ERBB4: variants seen among roughly 807,000 people sequenced by gnomAD.
ERBB4 encodes the protein receptor tyrosine-protein kinase erbB-4.
A neutral mutation model predicts 158.0 loss-of-function variants in ERBB4; 42 were observed. The ratio of observed to expected loss-of-function variants is 0.27; its 90% CI spans 0.21 to 0.34. The LOEUF (loss-of-function observed/expected upper bound fraction) is 0.34. ERBB4 is among the 10% of genes least tolerant of loss of function. The pLI is 1.00. For missense variants in ERBB4, 1,333 were observed against 1,624.1 expected, an observed-to-expected ratio of 0.82 and a Z score of 3.08; for synonymous variants, 583 against 558.7, an observed-to-expected ratio of 1.04 and a Z score of -0.61.
rs548683674 is a variant in ERBB4 at position 211,517,125 on chromosome 2, G to A, written c.2487+44778C>T. 1.5e-3 allele frequency among the ~76,000 whole-genome samples: 231 copies of A among 152,068 alleles called. 1 individual carries two copies. The highest frequency in any genetic ancestry group is 2.5e-3 in the Non-Finnish European group (169 of 67,988). On this transcript the variant is annotated intron_variant, in intron 20 of 27. Transcript: ENST00000342788. ...TGATATTTTCCAAAACTTATTGCAGGGATAGCACATTAGAATAAAAAGCTT... is the reference window on the plus strand; with the variant it reads ...TGATATTTTCCAAAACTTATTGCAGAGATAGCACATTAGAATAAAAAGCTT...
chr2:211,704,219 A>C, intron 10 of ERBB4, 25 bp from the exon 11 acceptor site: 1 of 1,371,096 alleles, frequency 7.3e-7, no homozygotes, highest in Non-Finnish European at 1.0e-6. Flanking sequence ...TAGAAAAAAT[A>C]AATCAGAATA....
Position 212,104,993 on chromosome 2 carries a change from A to G in ERBB4, c.234+19759T>C, listed in dbSNP as rs553093820. 4.6e-5 allele frequency among the ~76,000 whole-genome samples: 7 copies of G among 151,834 alleles called. No individual in the cohort carries two copies. The South Asian group carries it at 1.5e-3, about 32-fold the overall frequency. On this transcript the variant is annotated intron_variant, in intron 2 of 27. Transcript: ENST00000342788. ...CAAGGTCAAATAAGTAGAATTCATCAGACATCAACGTCCTTTCTCTTTCAA... is the reference window on the plus strand; with the variant it reads ...CAAGGTCAAATAAGTAGAATTCATCGGACATCAACGTCCTTTCTCTTTCAA...
chr2:212,031,644 T>A (rs1482691658), intron 2 of ERBB4, among the ~76,000 whole-genome samples: 1 of 152,142 alleles, frequency 6.6e-6, no homozygotes, highest in East Asian at 1.9e-4. Flanking sequence ...TTTCATTTTA[T>A]ACCTGTTTTT....
At chr2:211,813,427 A>T (rs2076804633) in intron 3 of ERBB4, among the ~76,000 whole-genome samples, 1 of 152,230 alleles carries the variant, frequency 6.6e-6, no homozygotes, top group Non-Finnish European at 1.5e-5. Context: ...CAGCAGGGAC[A>T]CATTTTATTC....
At chr2:212,075,988 G>T (rs2078262867) in intron 2 of ERBB4, among the ~76,000 whole-genome samples, 1 of 151,718 alleles carries the variant, frequency 6.6e-6, no homozygotes, top group Admixed American at 6.6e-5. Context: ...TTTAACTAGA[G>T]AATTTTAATT....
chr2:211,667,998 C>A (rs1324306899), intron 14 of ERBB4, among the ~76,000 whole-genome samples: 1 of 152,026 alleles, frequency 6.6e-6, no homozygotes, highest in Non-Finnish European at 1.5e-5. Context: ...ACATAGTGTA[C>A]CTACACAAAC....
At chr2:212,345,416 C>T (rs2106328970) in intron 1 of ERBB4, among the ~76,000 whole-genome samples, 1 of 152,170 alleles carries the variant, frequency 6.6e-6, no homozygotes, top group South Asian at 2.1e-4. Context: ...AGACATTTAG[C>T]AATGTCTGGA....
intron 20 of ERBB4, among the ~76,000 whole-genome samples, chr2:211,547,142 A>G (rs754443295): frequency 3.9e-5 from 6 of 152,164 alleles, no homozygotes; most frequent in Non-Finnish European, 8.8e-5. Flanking sequence ...TACTGCACTT[A>G]TAGTTATACA....
At chr2:211,567,740 CTT>C (rs1480791359) in intron 19 of ERBB4, among the ~76,000 whole-genome samples, 1 of 149,694 alleles carries the variant, frequency 6.7e-6, no homozygotes, top group Non-Finnish European at 1.5e-5. Flanking sequence ...TAATAGTTCT[CTT>C]TTTCTGAAGA....
chr2:211,562,421 A>G (rs2067422003), intron 19 of ERBB4, among the ~76,000 whole-genome samples: 2 of 152,280 alleles, frequency 1.3e-5, no homozygotes, highest in East Asian at 1.9e-4. Context: ...TCCAGCTTAT[A>G]TTATGGATTT....
At chr2:212,333,618 C>A (rs1432355581) in intron 1 of ERBB4, among the ~76,000 whole-genome samples, 1 of 151,282 alleles carries the variant, frequency 6.6e-6, no homozygotes, top group Non-Finnish European at 1.5e-5. Flanking sequence ...TGCTTGAGCC[C>A]AGGATATTGA....
intron 2 of ERBB4, among the ~76,000 whole-genome samples, chr2:211,984,460 C>A (rs576266692): frequency 6.6e-6 from 1 of 152,142 alleles, no homozygotes; most frequent in South Asian, 2.1e-4. Flanking sequence ...AAAGGTACAG[C>A]AAAAGTTTGG....
chr2:212,068,086 C>T (rs190102945), intron 2 of ERBB4, among the ~76,000 whole-genome samples: 52 of 152,114 alleles, frequency 3.4e-4, no homozygotes, highest in Non-Finnish European at 8.8e-5. Context: ...GAGGAATAAA[C>T]TCCAAACTCT....
At chr2:211,976,620 G>T (rs1271462643) in intron 2 of ERBB4, among the ~76,000 whole-genome samples, 4 of 151,914 alleles carry the variant, frequency 2.6e-5, no homozygotes, top group Non-Finnish European at 5.9e-5. Flanking sequence ...TGATATATAT[G>T]ATTCATGCCC....
intron 9 of ERBB4, 56 bp from the exon 10 acceptor site, chr2:211,705,447 T>C: frequency 9.1e-7 from 1 of 1,104,630 alleles, no homozygotes; most frequent in African/African-American, 1.5e-5. Flanking sequence ...GGATTGAAAA[T>C]ATGAGAAATG....
At chr2:211,499,047 G>A (rs13018336) in intron 20 of ERBB4, among the ~76,000 whole-genome samples, 4 of 152,122 alleles carry the variant, frequency 2.6e-5, no homozygotes, top group Non-Finnish European at 4.4e-5. Flanking sequence ...CTAGCACAGA[G>A]CCTAGTGCTG....
rs992316546 is a variant in ERBB4, at chr2:211,710,043, G to A, written c.1124+2007C>T. Among the ~76,000 whole-genome samples the A allele has an allele frequency of 1.3e-4, 20 of 151,744 alleles. No homozygotes were observed. In the East Asian group the frequency reaches 2.5e-3, roughly 19 times the overall value. Reference sequence around the variant, plus strand: ...ATATTTTATTGTACCTTACTTTTTCGTATTTCTTTTAAAATTACAACTAGA... The same window carrying A: ...ATATTTTATTGTACCTTACTTTTTCATATTTCTTTTAAAATTACAACTAGA... On this transcript the variant is annotated intron_variant, in intron 9 of 27. Coordinates refer to ENST00000342788, the MANE Select transcript of ERBB4 (RefSeq NM_005235.3).
At chr2:211,392,600 A>ACACACACC (rs564067126) in intron 25 of ERBB4, among the ~76,000 whole-genome samples, 8 of 133,534 alleles carry the variant, frequency 6.0e-5, no homozygotes, top group African/African-American at 1.7e-4. Context: ...ACACACACAC[A>ACACACACC]CCCCAATAAT....
chr2:211,893,000 G>A (rs950568267), intron 3 of ERBB4, among the ~76,000 whole-genome samples: 1 of 147,752 alleles, frequency 6.8e-6, no homozygotes, highest in Non-Finnish European at 1.5e-5. Context: ...GTAATTTACA[G>A]ATTCAATGCC....
Sources: gnomAD v4.1 joint callset for allele counts (sites outside exome capture counted in the v4.1 genomes callset) on GRCh38, gnomAD v4.1.1 for gene constraint, MANE v1.5 for transcripts, NCBI Gene and HGNC (gene_info 2026-07-23, HGNC 2026-07-21) for gene names.